FAT3: variants seen among roughly 807,000 people sequenced by gnomAD.
FAT3 encodes the protein protocadherin Fat 3.
A neutral mutation model predicts 310.2 loss-of-function variants in FAT3; 95 were observed. The observed-to-expected ratio is 0.31, with a 90% CI of 0.26 to 0.36. FAT3 has a LOEUF of 0.36. Ranked by LOEUF, FAT3 falls within the 10% of genes least tolerant of loss-of-function variation. FAT3 has a pLI of 1.00. For synonymous variants in FAT3, 2,314 were observed against 2,192.9 expected (o/e 1.06, Z -1.54); for missense variants, 5,408 against 5,715.6 (o/e 0.95, Z 1.74).
intron 1 of FAT3, among the ~76,000 whole-genome samples, chr11:92,235,403 G>A (rs1354634803): frequency 1.3e-5 from 2 of 152,156 alleles, no homozygotes; most frequent in Non-Finnish European, 2.9e-5. Flanking sequence ...ACACTTTGTG[G>A]TATTATTGCA....
chr11:92,642,211 T>G (rs574058464), intron 3 of FAT3, among the ~76,000 whole-genome samples: 1 of 152,220 alleles, frequency 6.6e-6, no homozygotes, highest in Non-Finnish European at 1.5e-5. Flanking sequence ...TGCCTGGGCT[T>G]TAAGCCTCAT....
At chr11:92,376,560 T>A (rs1949352329) in intron 2 of FAT3, among the ~76,000 whole-genome samples, 1 of 152,198 alleles carries the variant, frequency 6.6e-6, no homozygotes, top group African/African-American at 2.4e-5. Context: ...AACTGTTTGT[T>A]GCAGGGGAAT....
intron 3 of FAT3, among the ~76,000 whole-genome samples, chr11:92,661,330 C>T (rs113849266): frequency 2.6e-5 from 4 of 152,130 alleles, no homozygotes; most frequent in African/African-American, 4.8e-5. Flanking sequence ...CACATGAAGC[C>T]GACAGAAAGG....
At chr11:92,435,340 T>G (rs968366120) in intron 2 of FAT3, among the ~76,000 whole-genome samples, 1 of 152,220 alleles carries the variant, frequency 6.6e-6, no homozygotes, top group African/African-American at 2.4e-5. Flanking sequence ...ATGTCTTTTC[T>G]GTGACCACTA....
At chr11:92,554,550 G>T (rs1248857428) in intron 3 of FAT3, among the ~76,000 whole-genome samples, 1 of 149,692 alleles carries the variant, frequency 6.7e-6, no homozygotes, top group Non-Finnish European at 1.5e-5. Flanking sequence ...ATTACTAGAG[G>T]GGATACTGTA....
At chr11:92,271,122 C>T (rs1171040612) in intron 1 of FAT3, among the ~76,000 whole-genome samples, 3 of 152,090 alleles carry the variant, frequency 2.0e-5, no homozygotes, top group Non-Finnish European at 4.4e-5. Context: ...ATTCTGCATA[C>T]TGAGCCAGAG....
At chr11:92,328,547 G>A (rs1947823546) in intron 1 of FAT3, among the ~76,000 whole-genome samples, 1 of 152,148 alleles carries the variant, frequency 6.6e-6, no homozygotes, top group South Asian at 2.1e-4. Context: ...ATTGTTCAGG[G>A]TTATCTGCCT....
chr11:92,252,045 G>A (rs1169066900), intron 1 of FAT3, among the ~76,000 whole-genome samples: 1 of 152,040 alleles, frequency 6.6e-6, no homozygotes, highest in Non-Finnish European at 1.5e-5. Flanking sequence ...GGTTATCTGG[G>A]CCTCTGTGTT....
At chr11:92,496,982 G>T (rs1484303251) in intron 2 of FAT3, among the ~76,000 whole-genome samples, 1 of 152,008 alleles carries the variant, frequency 6.6e-6, no homozygotes, top group African/African-American at 2.4e-5. Flanking sequence ...TCAACACTCA[G>T]TGCACCCCAG....
intron 7 of FAT3, among the ~76,000 whole-genome samples, chr11:92,777,656 A>C (rs1019226146): frequency 6.6e-6 from 1 of 152,132 alleles, no homozygotes; most frequent in Non-Finnish European, 1.5e-5. Flanking sequence ...GCTTTGTAGC[A>C]GGTAATTTTG....
At chr11:92,457,897 G>A (rs990141344) in intron 2 of FAT3, among the ~76,000 whole-genome samples, 2 of 152,074 alleles carry the variant, frequency 1.3e-5, no homozygotes, top group Non-Finnish European at 2.9e-5. Context: ...ACTCCAGCCT[G>A]GGCTACAAAG....
chr11:92,454,844 T>C (rs868189397), intron 2 of FAT3, among the ~76,000 whole-genome samples: 10 of 152,282 alleles, frequency 6.6e-5, no homozygotes, highest in Middle Eastern at 3.4e-3. Flanking sequence ...ATTTACTTTT[T>C]TTTTCCACGT....
chr11:92,398,574 T>C (rs1032186586), intron 2 of FAT3, among the ~76,000 whole-genome samples: 3 of 151,814 alleles, frequency 2.0e-5, no homozygotes, highest in African/African-American at 7.2e-5. Context: ...CCCACCCTAT[T>C]AATTTTATTT....
intron 3 of FAT3, among the ~76,000 whole-genome samples, chr11:92,677,994 CTGAT>C (rs1943345179): frequency 6.6e-6 from 1 of 152,312 alleles, no homozygotes; most frequent in South Asian, 2.1e-4. Flanking sequence ...CCCAACCAGA[CTGAT>C]TGACTGTGGG....
At chr11:92,315,479 G>GTGTATATATATATATA (rs1555009286) in intron 1 of FAT3, among the ~76,000 whole-genome samples, 2 of 65,188 alleles carry the variant, frequency 3.1e-5, no homozygotes, top group Non-Finnish European at 6.0e-5. Flanking sequence ...GTGTGTGTGT[G>GTGTATATATATATATA]TATATATATA....
At chr11:92,709,263 T>G (rs1181894935) in intron 4 of FAT3, among the ~76,000 whole-genome samples, 1 of 152,246 alleles carries the variant, frequency 6.6e-6, no homozygotes, top group Non-Finnish European at 1.5e-5. Context: ...GGAATTTTTT[T>G]ATGTTTCATT....
chr11:92,636,164 T>A (rs1941762038), intron 3 of FAT3, among the ~76,000 whole-genome samples: 1 of 152,140 alleles, frequency 6.6e-6, no homozygotes, highest in Admixed American at 6.5e-5. Flanking sequence ...AGTTTTACCA[T>A]GTTGGCCAGG....
chr11:92,690,022 C>T (rs1363097199), intron 3 of FAT3, among the ~76,000 whole-genome samples: 1 of 152,194 alleles, frequency 6.6e-6, no homozygotes, highest in Non-Finnish European at 1.5e-5. Context: ...TCAACTAGGC[C>T]TGAAGGGAAG....
Position 92,719,046 on chromosome 11 carries a change from G to T in FAT3, c.3669+21601G>T, listed in dbSNP as rs1374890202. 2.0e-5 allele frequency among the ~76,000 whole-genome samples: 3 copies of T among 152,096 alleles called. No homozygotes were observed. The East Asian group carries it at 5.8e-4, about 29-fold the overall frequency. On this transcript the variant is annotated intron_variant, in intron 4 of 27. Coordinates refer to ENST00000525166, the MANE Select transcript of FAT3 (RefSeq NM_001367949.2). Reference sequence around the variant, plus strand: ...GGATTAGGTTTCTCCAGCTTTCCATGGAAATATTTTTACAGTATTAGGTTC... The same window carrying T: ...GGATTAGGTTTCTCCAGCTTTCCATTGAAATATTTTTACAGTATTAGGTTC...
Sources: gnomAD v4.1 joint callset for allele counts (sites outside exome capture counted in the v4.1 genomes callset) on GRCh38, gnomAD v4.1.1 for gene constraint, MANE v1.5 for transcripts, NCBI Gene and HGNC (gene_info 2026-07-23, HGNC 2026-07-21) for gene names.